The following PDSS1 variants were observed in gnomAD, a reference collection of about 807,000 sequenced individuals.
PDSS1 encodes the protein decaprenyl diphosphate synthase subunit 1, also known as all trans-polyprenyl-diphosphate synthase PDSS1.
In PDSS1, 43 loss-of-function variants were observed where a neutral mutation model predicts 57.5. The observed-to-expected ratio is 0.75, with a 90% CI of 0.59 to 0.96. PDSS1 has a LOEUF of 0.96. Among genes scored for constraint, PDSS1 ranks in the 50% least tolerant of loss-of-function variants. The pLI is 0.00. For missense variants in PDSS1, 438 were observed against 527.8 expected (o/e 0.83, Z 1.67); for synonymous variants, 175 against 191.3 (o/e 0.91, Z 0.70).
intron 10 of PDSS1, among the ~76,000 whole-genome samples, chr10:26,737,722 CAAAAAAAAAAAAAAAA>C (rs200552153): frequency 1.9e-3 from 139 of 73,560 alleles, no homozygotes; most frequent in Middle Eastern, 6.5e-3. Flanking sequence ...GACTCCGTCT[CAAAAAAAAAAAAAAAA>C]AAAAAAAAAA....
chr10:26,746,419 A>T lies in PDSS1; in HGVS notation c.1194A>T (p.Pro398=), dbSNP rs199603576. 1.5e-5 allele frequency: 24 copies of T among 1,614,064 alleles called. No individual in the cohort carries two copies. Among genetic ancestry groups the T allele is most frequent in the Non-Finnish European group, 2.0e-5 (24 of 1,179,912 alleles). ...IREISKLRPS[P]ERDALIQLSE... is the part of the protein sequence containing the mutation. ...AGATCAGTAAACTTCGACCATCCCC[A>T]GAAAGAGATGCCCTCATTCAGCTTT... The change falls in exon 12 of 12, where the codon CCA becomes CCT. Residue 398 remains proline (P), a synonymous_variant. Transcript: ENST00000376215.
intron 8 of PDSS1, among the ~76,000 whole-genome samples, chr10:26,732,937 C>G (rs1228155570): frequency 1.3e-5 from 2 of 152,028 alleles, no homozygotes; most frequent in East Asian, 1.9e-4. Flanking sequence ...CCTGAAACCC[C>G]GTCTCTACTA....
chr10:26,717,749 C>A (rs1434119426), intron 5 of PDSS1: 4 of 151,922 alleles, frequency 2.6e-5, no homozygotes, highest in Non-Finnish European at 5.9e-5. Flanking sequence ...AAAGGCTAGA[C>A]CTTACCTGTT....
intron 5 of PDSS1, 199 bp from the exon 6 acceptor site, chr10:26,720,019 T>G (rs1225379099): frequency 2.9e-6 from 2 of 679,558 alleles, no homozygotes; most frequent in East Asian, 5.6e-5. Context: ...GGGGAATTCA[T>G]AAAATGTAGT....
intron 1 of PDSS1, 127 bp downstream of exon 1, chr10:26,697,967 G>T: frequency 2.2e-6 from 2 of 909,028 alleles, no homozygotes; most frequent in Non-Finnish European, 2.8e-6. Flanking sequence ...TAGCTCCGGG[G>T]TAGCTCCGGG....
At chr10:26,746,233 T>C in intron 11 of PDSS1, 100 bp from the exon 12 acceptor site, 1 of 1,183,306 alleles carries the variant, frequency 8.5e-7, no homozygotes, top group Non-Finnish European at 1.3e-6. Flanking sequence ...CCTCAGCTCA[T>C]CTGATCTCAA....
At chr10:26,716,115 G>C (rs1317948278) in intron 5 of PDSS1, among the ~76,000 whole-genome samples, 1 of 152,166 alleles carries the variant, frequency 6.6e-6, no homozygotes, top group African/African-American at 2.4e-5. Context: ...TGTTTCTTTA[G>C]GTTTAGAAGG....
chr10:26,732,545 G>A (rs1033517735), intron 8 of PDSS1, among the ~76,000 whole-genome samples: 3 of 152,136 alleles, frequency 2.0e-5, no homozygotes, highest in African/African-American at 7.2e-5. Context: ...AGAGAACAGT[G>A]TCTGGAGCCA....
chr10:26,717,113 A>T (rs980202226), intron 5 of PDSS1, among the ~76,000 whole-genome samples: 1 of 152,254 alleles, frequency 6.6e-6, no homozygotes, highest in African/African-American at 2.4e-5. Context: ...ACTATGGAAC[A>T]TCTGAAATAT....
At chr10:26,698,447 G>A (rs1243947513) in intron 1 of PDSS1, among the ~76,000 whole-genome samples, 1 of 152,176 alleles carries the variant, frequency 6.6e-6, no homozygotes, top group Non-Finnish European at 1.5e-5. Context: ...GCCGTCAGGA[G>A]GAGAGAAACC....
chr10:26,714,021 C>A (rs913126336), intron 5 of PDSS1, among the ~76,000 whole-genome samples: 2 of 152,100 alleles, frequency 1.3e-5, no homozygotes, highest in African/African-American at 4.8e-5. Flanking sequence ...AGTCCTGTAT[C>A]CTCTCCCCCT....
At chr10:26,720,428 T>C (rs1001975942) in intron 6 of PDSS1, 69 bp downstream of exon 6, 24 of 1,040,220 alleles carry the variant, frequency 2.3e-5, no homozygotes, top group Non-Finnish European at 3.3e-5. Context: ...CATTTGTTTC[T>C]CAGATTTGTC....
chr10:26,720,254 T>G lies in PDSS1; in HGVS notation c.504T>G (p.Ile168Met). 20 of 1,613,764 alleles carry G rather than the reference T, an allele frequency of 1.2e-5. No homozygotes were observed. Among genetic ancestry groups the G allele is most frequent in the Non-Finnish European group, 1.7e-5 (20 of 1,179,972 alleles). ...CCAGCCAGCGCGCCATAGCCTTAAT[T>G]GCAGAAATGATCCACACTGCTAGTC... The part of the protein sequence containing the change: ...VQASQRAIAL[I>M]AEMIHTASLV... Residue 168 changes from isoleucine to methionine, a missense_variant, in exon 6 of 12, where the codon ATT (isoleucine) becomes ATG (methionine). Transcript: ENST00000376215.
chr10:26,734,675 T>G (rs1381308699), intron 8 of PDSS1: 1 of 456,184 alleles, frequency 2.2e-6, no homozygotes. Context: ...GCAGGAGGCT[T>G]GAGATGATTT....
intron 2 of PDSS1, among the ~76,000 whole-genome samples, chr10:26,704,010 G>A (rs376756936): frequency 2.9e-4 from 41 of 143,630 alleles, no homozygotes; most frequent in African/African-American, 1.0e-3. Context: ...GAACCCTGGG[G>A]GGCGGAGCCT....
intron 11 of PDSS1, among the ~76,000 whole-genome samples, chr10:26,745,595 C>T (rs1460042836): frequency 6.6e-6 from 1 of 152,000 alleles, no homozygotes; most frequent in Non-Finnish European, 1.5e-5. Context: ...ACCTGTAATC[C>T]CAGCACTTTG....
chr10:26,701,254 T>C (rs1835043996), intron 1 of PDSS1, among the ~76,000 whole-genome samples: 1 of 152,220 alleles, frequency 6.6e-6, no homozygotes, highest in South Asian at 2.1e-4. Context: ...GAAAAGAATT[T>C]TCTGGGGAGG....
chr10:26,738,368 A>G (rs1349187120), intron 10 of PDSS1, among the ~76,000 whole-genome samples: 2 of 152,234 alleles, frequency 1.3e-5, no homozygotes, highest in Admixed American at 1.3e-4. Flanking sequence ...ATGGCACAGC[A>G]GGGAACTGAA....
chr10:26,720,979 A>T (rs965230982), intron 6 of PDSS1, among the ~76,000 whole-genome samples: 1 of 152,220 alleles, frequency 6.6e-6, no homozygotes, highest in Non-Finnish European at 1.5e-5. Flanking sequence ...ACAGGCATCC[A>T]TCGCCATCAC....
Sources: gnomAD v4.1 joint callset for allele counts (sites outside exome capture counted in the v4.1 genomes callset) on GRCh38, gnomAD v4.1.1 for gene constraint, MANE v1.5 for transcripts, NCBI Gene and HGNC (gene_info 2026-07-23, HGNC 2026-07-21) for gene names.